Variants in GRIK3 observed in about 807,000 individuals in gnomAD.
GRIK3 encodes glutamate ionotropic receptor kainate type subunit 3, also known as glutamate receptor ionotropic, kainate 3.
A neutral mutation model predicts 102.5 loss-of-function variants in GRIK3; 29 were observed. The ratio of observed to expected loss-of-function variants is 0.28; its 90% CI spans 0.21 to 0.39. The LOEUF (loss-of-function observed/expected upper bound fraction) is 0.39, where lower values mean the gene tolerates loss of function less well. GRIK3 is among the 10% of genes least tolerant of loss of function. The pLI is 1.00. For synonymous variants in GRIK3, 511 were observed against 504.9 expected, an observed-to-expected ratio of 1.01 and a Z score of -0.16; for missense variants, 908 against 1,252.4, an observed-to-expected ratio of 0.73 and a Z score of 4.15.
intron 6 of GRIK3, 68 bp from the exon 7 acceptor site, chr1:36,859,319 C>T (rs1640692597): frequency 6.7e-7 from 1 of 1,494,050 alleles, no homozygotes; most frequent in Non-Finnish European, 9.1e-7. Context: ...CCTGCCCTGT[C>T]CCCCTTCTCC....
Position 36,796,992 on chromosome 1 carries a change from G to A in GRIK3, c.*4859C>T, listed in dbSNP as rs965275610. 6.6e-5 allele frequency: 10 copies of A among 152,266 alleles called. No homozygotes were observed. Among genetic ancestry groups the A allele is most frequent in the African/African-American group, 2.2e-4 (9 of 41,450 alleles). 9.4% of individuals were successfully genotyped at this position (152,266 alleles called of 1,614,324 possible). ...CCTGCCTCAGACAGGCTCGGATGGAGATGAGGTCCGTTGGCCATTCCTGCC... is the reference window on the plus strand; with the variant it reads ...CCTGCCTCAGACAGGCTCGGATGGAAATGAGGTCCGTTGGCCATTCCTGCC... On this transcript the variant is annotated 3_prime_UTR_variant, in exon 16 of 16. Transcript: ENST00000373091.
chr1:37,010,060 G>A lies in GRIK3; in HGVS notation c.115+23934C>T, dbSNP rs186057082. Among the ~76,000 whole-genome samples the A allele has an allele frequency of 1.8e-4, 28 of 152,282 alleles. No individual in the cohort carries two copies. The East Asian group carries it at 5.0e-3, about 27-fold the overall frequency. On this transcript the variant is annotated intron_variant, in intron 1 of 15. Transcript: ENST00000373091. ...TCTGCTGTATTTACCGACATCTTTG[G>A]GGGTGGCTGGGTTTCCAAGCACGGG...
chr1:36,853,548 G>T lies in GRIK3; in HGVS notation c.1212+67C>A. The T allele has an allele frequency of 5.8e-6, 6 of 1,041,132 alleles. No individual in the cohort carries two copies. The South Asian group carries it at 6.4e-5, about 11-fold the overall frequency. The allele number at this position is 1,041,132 out of a possible 1,614,324, so 64.5% of individuals were successfully genotyped here. On this transcript the variant is annotated intron_variant, in intron 8 of 15. Coordinates refer to ENST00000373091, the MANE Select transcript of GRIK3 (RefSeq NM_000831.4). Reference sequence around the variant, plus strand: ...CCTTGCCTCTGGGCCTCTGACTGAGGTCTGCCCTAGGAGATTTAAGAAGCC... The same window carrying T: ...CCTTGCCTCTGGGCCTCTGACTGAGTTCTGCCCTAGGAGATTTAAGAAGCC...
At chr1:36,866,785 A>G (rs534349610) in intron 5 of GRIK3, among the ~76,000 whole-genome samples, 3 of 152,154 alleles carry the variant, frequency 2.0e-5, no homozygotes, top group South Asian at 2.1e-4. Flanking sequence ...AACTGTTGCT[A>G]TGATGATGTG....
intron 10 of GRIK3, among the ~76,000 whole-genome samples, chr1:36,837,980 T>C (rs1640401072): frequency 6.6e-6 from 1 of 152,224 alleles, no homozygotes; most frequent in Non-Finnish European, 1.5e-5. Context: ...GTCTAGGTCC[T>C]GGACTACTGT....
chr1:36,920,784 C>T (rs1641458037), intron 1 of GRIK3, among the ~76,000 whole-genome samples: 1 of 152,244 alleles, frequency 6.6e-6, no homozygotes, highest in African/African-American at 2.4e-5. Context: ...CCAGCCAAGG[C>T]CCTCACACTG....
At chr1:37,003,487 AGTGAAGAT>A (rs1292592107) in intron 1 of GRIK3, among the ~76,000 whole-genome samples, 2 of 152,174 alleles carry the variant, frequency 1.3e-5, no homozygotes, top group Admixed American at 6.5e-5. Flanking sequence ...AGCCTCAAAA[AGTGAAGAT>A]GTCTGAGCTT....
chr1:36,923,227 G>A (rs1228299468), intron 1 of GRIK3, among the ~76,000 whole-genome samples: 2 of 152,220 alleles, frequency 1.3e-5, no homozygotes, highest in Non-Finnish European at 2.9e-5. Flanking sequence ...CAGCAAATGA[G>A]GAATTAATGG....
intron 13 of GRIK3, among the ~76,000 whole-genome samples, chr1:36,811,413 T>C (rs1387511312): frequency 6.6e-6 from 1 of 152,196 alleles, no homozygotes; most frequent in African/African-American, 2.4e-5. Context: ...CTGCAATTGA[T>C]GTTTTAAAAA....
intron 1 of GRIK3, among the ~76,000 whole-genome samples, chr1:36,990,401 G>A (rs1374023784): frequency 6.6e-6 from 1 of 152,150 alleles, no homozygotes; most frequent in East Asian, 1.9e-4. Context: ...ACTTGGAAGG[G>A]CAGTACCCTT....
chr1:36,805,127 C>T lies in GRIK3; in HGVS notation c.2425G>A (p.Glu809Lys). 1 of 1,614,208 alleles carries T rather than the reference C, an allele frequency of 6.2e-7. No individual in the cohort carries two copies. The highest frequency in any genetic ancestry group is 1.7e-5 in the Admixed American group (1 of 60,030). ...CCCAGGGCACTGGCCTCTTTGTTTT[C>T]CTCCTCAGGACACCCGCTGCCCCGC... Reference protein sequence around the residue: ...WWRGSGCPEEENKEASALGIQ... With the variant: ...WWRGSGCPEEKNKEASALGIQ... The change falls in exon 15 of 16, where the codon GAA becomes AAA. Residue 809 changes from glutamate (E) to lysine (K), a missense_variant. Transcript: ENST00000373091.
chr1:36,913,512 T>C (rs1641368627), intron 1 of GRIK3, among the ~76,000 whole-genome samples: 1 of 152,248 alleles, frequency 6.6e-6, no homozygotes, highest in African/African-American at 2.4e-5. Flanking sequence ...AGCAAGCTAA[T>C]TGATCTCTGG....
At chr1:36,846,643 G>T (rs908372216) in intron 9 of GRIK3, among the ~76,000 whole-genome samples, 1 of 152,190 alleles carries the variant, frequency 6.6e-6, no homozygotes, top group African/African-American at 2.4e-5. Flanking sequence ...AGGCTGCGAA[G>T]CATGGGGTTG....
chr1:36,970,214 C>T (rs1301995409), intron 1 of GRIK3, among the ~76,000 whole-genome samples: 1 of 150,418 alleles, frequency 6.6e-6, no homozygotes, highest in Non-Finnish European at 1.5e-5. Context: ...AAAGACCACT[C>T]TCTGCTACGA....
rs996247363 is a variant in GRIK3 at position 37,018,955 on chromosome 1, C to G, written c.115+15039G>C. ...TTTGCTGCAACCCCAGAAATAAAAG[C>G]CCCCGAAGCGACTGACTTCCAAGCT... On this transcript the variant is annotated intron_variant, in intron 1 of 15. Transcript: ENST00000373091. Among the ~76,000 whole-genome samples, 3 of 152,092 alleles carry G rather than the reference C, an allele frequency of 2.0e-5. No homozygotes were observed. In the South Asian group the frequency reaches 6.2e-4, roughly 32 times the overall value.
At chr1:36,941,286 C>G (rs1252735352) in intron 1 of GRIK3, among the ~76,000 whole-genome samples, 3 of 152,244 alleles carry the variant, frequency 2.0e-5, no homozygotes, top group Non-Finnish European at 2.9e-5. Context: ...AGACACACAG[C>G]TGGGCAGCAG....
At chr1:36,887,489 G>C (rs1404312027) in intron 2 of GRIK3, among the ~76,000 whole-genome samples, 1 of 152,086 alleles carries the variant, frequency 6.6e-6, no homozygotes, top group African/African-American at 2.4e-5. Flanking sequence ...GGGCGTGGTG[G>C]CTCATACTTG....
chr1:36,937,557 G>A (rs182605462), intron 1 of GRIK3, among the ~76,000 whole-genome samples: 1 of 152,244 alleles, frequency 6.6e-6, no homozygotes, highest in African/African-American at 2.4e-5. Context: ...AACAACCCCA[G>A]AGATAAAGTC....
At chr1:36,855,022 C>G (rs1045761074) in intron 7 of GRIK3, among the ~76,000 whole-genome samples, 6 of 152,200 alleles carry the variant, frequency 3.9e-5, no homozygotes, top group African/African-American at 1.2e-4. Flanking sequence ...CAGTTAAATA[C>G]CCGAGCTTTC....
Sources: allele counts gnomAD v4.1 joint callset (sites outside exome capture counted in the v4.1 genomes callset), GRCh38; gene constraint gnomAD v4.1.1; transcripts MANE v1.5; gene names NCBI Gene and HGNC (gene_info 2026-07-23, HGNC 2026-07-21).